MBP: variants seen among roughly 807,000 people sequenced by gnomAD.
MBP encodes the protein Golli-MBP.
MBP carries 16 observed loss-of-function variants against 35.8 expected under a neutral mutation model. The ratio of observed to expected loss-of-function variants is 0.45; its 90% CI spans 0.30 to 0.68. The LOEUF is 0.68. MBP is among the 30% of genes least tolerant of loss of function. MBP has a pLI of 0.08. For missense variants in MBP, 380 were observed against 404.7 expected (o/e 0.94, Z 0.52); for synonymous variants, 143 against 159.6 (o/e 0.90, Z 0.78).
intron 3 of MBP, among the ~76,000 whole-genome samples, chr18:77,046,538 T>C (rs1029971542): frequency 6.6e-6 from 1 of 152,168 alleles, no homozygotes; most frequent in Non-Finnish European, 1.5e-5. Flanking sequence ...AACCACTGCC[T>C]CCCTCCAATT....
At chr18:76,980,692 T>C (rs1969141566) in intron 8 of MBP, 1 of 561,050 alleles carries the variant, frequency 1.8e-6, no homozygotes, top group African/African-American at 1.9e-5. Flanking sequence ...AGAACTGGAA[T>C]CGGATTCCCA....
chr18:76,980,570 G>A (rs1024988359), intron 8 of MBP, 99 bp from the exon 9 acceptor site: 3 of 886,454 alleles, frequency 3.4e-6, no homozygotes, highest in Non-Finnish European at 5.7e-6. Context: ...TGAGCCATTG[G>A]GTGTCTCTCT....
At chr18:77,130,294 G>C (rs1286116479) in intron 1 of MBP, among the ~76,000 whole-genome samples, 2 of 151,162 alleles carry the variant, frequency 1.3e-5, no homozygotes, top group Non-Finnish European at 3.0e-5. Flanking sequence ...CGGCGGTGCA[G>C]AGCAGCAGTC....
intron 3 of MBP, among the ~76,000 whole-genome samples, chr18:77,034,584 G>A (rs1972679845): frequency 6.6e-6 from 1 of 152,208 alleles, no homozygotes; most frequent in Non-Finnish European, 1.5e-5. Context: ...GCCTCCCACA[G>A]TGGAGCCTCC....
chr18:77,001,065 A>G (rs1970603480), intron 4 of MBP, among the ~76,000 whole-genome samples: 1 of 152,238 alleles, frequency 6.6e-6, no homozygotes, highest in Non-Finnish European at 1.5e-5. Context: ...TCATAAGGTC[A>G]ATACGTGAAG....
At chr18:77,015,319 G>T in intron 4 of MBP, 2 of 985,296 alleles carry the variant, frequency 2.0e-6, no homozygotes, top group Non-Finnish European at 2.4e-6. Flanking sequence ...TTCAAAACTG[G>T]TGATGCTGTA....
chr18:76,993,993 T>G (rs534909015), intron 4 of MBP, among the ~76,000 whole-genome samples: 2 of 152,374 alleles, frequency 1.3e-5, no homozygotes, highest in South Asian at 2.1e-4. Context: ...ATTCTCCTTG[T>G]GTCATGTAAT....
intron 4 of MBP, chr18:77,016,475 T>A (rs2123460852): frequency 9.1e-7 from 1 of 1,104,316 alleles, no homozygotes; most frequent in Non-Finnish European, 1.1e-6. Flanking sequence ...AGAGGCAACA[T>A]CAGTCATCAA....
chr18:77,119,878 T>C (rs1392665649), intron 1 of MBP, among the ~76,000 whole-genome samples: 2 of 152,150 alleles, frequency 1.3e-5, no homozygotes, highest in African/African-American at 4.8e-5. Flanking sequence ...AGCTTGAGGC[T>C]GAAGCCTCAG....
intron 4 of MBP, chr18:77,009,899 G>A: frequency 6.3e-7 from 1 of 1,596,036 alleles, no homozygotes; most frequent in Non-Finnish European, 8.5e-7. Context: ...GAGGGCAGAG[G>A]GCTCCGGCCC....
Position 77,111,206 on chromosome 18 carries a change from C to T in MBP, c.-25-5920G>A, listed in dbSNP as rs186316447. Among the ~76,000 whole-genome samples, 35 of 152,304 alleles carry T rather than the reference C, an allele frequency of 2.3e-4. No individual in the cohort carries two copies. The East Asian group carries it at 5.4e-3, about 23-fold the overall frequency. On this transcript the variant is annotated intron_variant, in intron 1 of 8. Transcript: ENST00000355994. ...AAACACAGCATCACCCAGCATCCACCGAGGAGCCCAGTGCTCATGGGCACG... is the reference window on the plus strand; with the variant it reads ...AAACACAGCATCACCCAGCATCCACTGAGGAGCCCAGTGCTCATGGGCACG...
At chr18:77,071,614 G>A (rs1974452925) in intron 2 of MBP, among the ~76,000 whole-genome samples, 1 of 152,138 alleles carries the variant, frequency 6.6e-6, no homozygotes. Context: ...GCCTTGAGTG[G>A]AGAATCACTG....
intron 2 of MBP, among the ~76,000 whole-genome samples, chr18:77,088,381 G>A (rs541416877): frequency 5.0e-4 from 76 of 152,258 alleles, no homozygotes; most frequent in African/African-American, 1.7e-3. Context: ...GCACCCCAAA[G>A]ACCCACCTCT....
chr18:77,032,548 G>A (rs1972583246), intron 3 of MBP, among the ~76,000 whole-genome samples: 1 of 152,242 alleles, frequency 6.6e-6, no homozygotes, highest in African/African-American at 2.4e-5. Flanking sequence ...GACGGGGTCG[G>A]CGAGGCGCGG....
In MBP at chr18:77,131,069, ACGCG is replaced by A. The variant is rs146235081; in HGVS notation, c.-26+1507_-26+1510del. Among the ~76,000 whole-genome samples the A allele has an allele frequency of 6.2e-5, 5 of 80,700 alleles. No individual in the cohort carries two copies. Among genetic ancestry groups the A allele is most frequent in the African/African-American group, 1.4e-4 (4 of 28,638 alleles). The allele number at this position is 80,700 out of a possible 152,430, so 52.9% of individuals were successfully genotyped here. A position where few individuals can be genotyped will look rare whatever the true frequency, so the allele number is the denominator to read the frequency against. On this transcript the variant is annotated intron_variant, in intron 1 of 8. Transcript: ENST00000355994. This position sits in a 1 kb window ranked among gnomAD's most constrained non-coding sequence, Gnocchi z 5.5. ...AAACCTCAAAAAACAAAACACACAC[ACGCG>A]CGCACGCACGCGCACACACACACAC...
chr18:77,130,285 G>T (rs1185539966), intron 1 of MBP, among the ~76,000 whole-genome samples: 1 of 152,018 alleles, frequency 6.6e-6, no homozygotes, highest in African/African-American at 2.4e-5. Flanking sequence ...TTCTCACCAC[G>T]GCGGTGCAGA....
In MBP at chr18:77,132,627, A is replaced by T. The variant is rs1977323409; in HGVS notation, c.-73T>A. ...AGGCCGAGGGGCGCCGCGGGGTCCA[A>T]GGCCCTGCTCCGCCTGCCCAGGCCC... On this transcript the variant is annotated 5_prime_UTR_variant, in exon 1 of 9. In the 5' UTR this introduces an upstream ATG that the reference lacks. Transcript: ENST00000355994. 1 of 152,090 alleles carries T rather than the reference A, an allele frequency of 6.6e-6. No homozygotes were observed. Among genetic ancestry groups the T allele is most frequent in the Admixed American group, 6.5e-5 (1 of 15,288 alleles). The allele number at this position is 152,090 out of a possible 1,614,324, so 9.4% of individuals were successfully genotyped here.
rs1168889299 is a variant in MBP at position 76,997,771 on chromosome 18, C to T, written c.577-7711G>A. On this transcript the variant is annotated intron_variant, in intron 4 of 8. Coordinates refer to ENST00000355994, the MANE Select transcript of MBP (RefSeq NM_001025101.2). The stretch of plus-strand genomic sequence containing the variant: ...GACCTCGGCTCACTGCAAGCTCCGC[C>T]TCCCGGGTTCACGCCACTCTCCTGC... Among the ~76,000 whole-genome samples, 28 of 151,246 alleles carry T rather than the reference C, an allele frequency of 1.9e-4. No individual in the cohort carries two copies. The East Asian group carries it at 4.5e-3, about 24-fold the overall frequency.
chr18:77,111,431 A>G (rs1289044971), intron 1 of MBP, among the ~76,000 whole-genome samples: 1 of 152,264 alleles, frequency 6.6e-6, no homozygotes, highest in Admixed American at 6.5e-5. Context: ...CTGAATAAAC[A>G]GTGGAACTGT....
Sources: gnomAD v4.1 joint callset for allele counts (sites outside exome capture counted in the v4.1 genomes callset) on GRCh38, gnomAD v4.1.1 for gene constraint, Gnocchi (gnomAD v3.1) non-coding constraint, MANE v1.5 for transcripts, NCBI Gene and HGNC (gene_info 2026-07-23, HGNC 2026-07-21) for gene names.